Variants in HSP90AA1 observed in about 807,000 individuals in gnomAD.
The protein encoded by HSP90AA1 is heat shock protein HSP 90-alpha.
HSP90AA1 carries 18 observed loss-of-function variants against 73.3 expected under a neutral mutation model. That is an observed-to-expected ratio of 0.25 (90% CI 0.17 to 0.36). The LOEUF (loss-of-function observed/expected upper bound fraction) is 0.36, where lower values mean the gene tolerates loss of function less well. Ranked by LOEUF, HSP90AA1 falls within the 10% of genes least tolerant of loss-of-function variation. HSP90AA1 has a pLI of 1.00. For missense variants in HSP90AA1, 704 were observed against 874.2 expected, an observed-to-expected ratio of 0.81 and a Z score of 2.45; for synonymous variants, 477 against 296.9, an observed-to-expected ratio of 1.61 and a Z score of -6.24.
intron 2 of HSP90AA1, among the ~76,000 whole-genome samples, chr14:102,094,447 T>C (rs776493181): frequency 1.2e-4 from 18 of 152,298 alleles, no homozygotes; most frequent in Middle Eastern, 3.4e-3. Flanking sequence ...ATATGTGGAC[T>C]TAGAAACTCT....
intron 3 of HSP90AA1, 132 bp from the exon 4 acceptor site, chr14:102,085,563 C>A (rs1430403304): frequency 1.7e-6 from 2 of 1,190,680 alleles, no homozygotes; most frequent in East Asian, 4.9e-5. Context: ...CACAGCAGAA[C>A]CTTTTGGGCA....
chr14:102,134,543 G>A (rs1011598516), intron 1 of HSP90AA1, among the ~76,000 whole-genome samples: 36 of 152,054 alleles, frequency 2.4e-4, no homozygotes, highest in African/African-American at 5.6e-4. Context: ...TCTGATGTTC[G>A]GTTGTGTTCA....
Position 102,083,027 on chromosome 14 carries a change from C to T in HSP90AA1, c.1755+7G>A, listed in dbSNP as rs2049135701. 1 of 1,613,122 alleles carries T rather than the reference C, an allele frequency of 6.2e-7. No individual in the cohort carries two copies. The highest frequency in any genetic ancestry group is 1.7e-5 in the Admixed American group (1 of 59,996). ...ATCAATGATCAGGAAATGCTGTATT[C>T]ACATACCTTTTCAACTTTTTTCTCC... On this transcript the variant is annotated splice_region_variant and intron_variant, in intron 9 of 10. Transcript: ENST00000216281.
Position 102,081,432 on chromosome 14 carries a change from C to CCA in HSP90AA1, c.*278_*279dup, listed in dbSNP as rs3831488. The CCA allele has an allele frequency of 0.78, 397,418 of 512,642 alleles. 159,978 individuals carry two copies. The highest frequency in any genetic ancestry group is 0.84 in the South Asian group (38,450 of 45,638). 31.8% of individuals were successfully genotyped at this position (512,642 alleles called of 1,614,324 possible). A position where few individuals can be genotyped will look rare whatever the true frequency, so the allele number is the denominator to read the frequency against. On this transcript the variant is annotated 3_prime_UTR_variant, in exon 11 of 11. Coordinates refer to ENST00000216281, the MANE Select transcript of HSP90AA1 (RefSeq NM_005348.4). ...CGGCTTGACAGCTAAACACTTTAGACCACAAAGTTAACATCATGTTACATA... is the reference window on the plus strand; with the variant it reads ...CGGCTTGACAGCTAAACACTTTAGACCACACAAAGTTAACATCATGTTACATA...
At chr14:102,099,760 T>A (rs1317133215) in intron 2 of HSP90AA1, among the ~76,000 whole-genome samples, 1 of 152,196 alleles carries the variant, frequency 6.6e-6, no homozygotes, top group Non-Finnish European at 1.5e-5. Context: ...TGCTTCTGTT[T>A]CCCAAGTGTC....
At chr14:102,082,643 T>TA (rs1376718742) in intron 9 of HSP90AA1, 199 bp from the exon 10 acceptor site, 38 of 596,140 alleles carry the variant, frequency 6.4e-5, no homozygotes, top group South Asian at 2.1e-4. Context: ...TTTTTTGAGA[T>TA]AGAGTCTCGC....
At position 102,104,980 on chromosome 14, in the gene HSP90AA1, C is replaced by T. The variant is rs140399379; in HGVS notation, c.156-2895G>A. Among the ~76,000 whole-genome samples, 266 of 147,352 alleles carry T rather than the reference C, an allele frequency of 1.8e-3. 1 individual carries two copies. The highest frequency in any genetic ancestry group is 3.5e-3 in the Middle Eastern group (1 of 282). ...TTGGGAGGCCAAGGTGGGCAGATCA[C>T]GAGGTCAGGAAATCGAGACCATACT... On this transcript the variant is annotated intron_variant, in intron 1 of 11. Transcript: ENST00000334701.
chr14:102,083,973 T>C lies in HSP90AA1; in HGVS notation c.1158A>G (p.Arg386=), dbSNP rs997342824. 3.1e-6 allele frequency: 5 copies of C among 1,613,422 alleles called. No individual in the cohort carries two copies. The African/African-American group carries it at 5.3e-5, about 17-fold the overall frequency. ...ELIPEYLNFI[R]GVVDSEDLPL... The stretch of plus-strand genomic sequence containing the variant: ...GGAGATCCTCCGAGTCTACCACCCC[T>C]CTAATGAAGTCTGAAAAAAATATAA... The change falls in exon 7 of 11, where the codon AGA becomes AGG. Residue 386 remains arginine, a synonymous_variant. Coordinates refer to ENST00000216281, the MANE Select transcript of HSP90AA1 (RefSeq NM_005348.4).
intron 4 of HSP90AA1, 111 bp from the exon 5 acceptor site, chr14:102,085,109 G>A (rs2049194203): frequency 1.3e-6 from 2 of 1,565,576 alleles, no homozygotes; most frequent in East Asian, 2.2e-5. Flanking sequence ...AACTTGAGAA[G>A]CACCCAGCTT....
At chr14:102,116,722 C>T (rs1198538913) in intron 1 of HSP90AA1, among the ~76,000 whole-genome samples, 1 of 152,198 alleles carries the variant, frequency 6.6e-6, no homozygotes, top group Admixed American at 6.5e-5. Flanking sequence ...ACAAGCTGGA[C>T]CCTCCCCAAC....
chr14:102,087,951 CTTTTT>C (rs71116878), upstream of HSP90AA1, among the ~76,000 whole-genome samples: 2 of 93,002 alleles, frequency 2.2e-5, no homozygotes, highest in Non-Finnish European at 3.8e-5. Flanking sequence ...TTTTTTTTTT[CTTTTT>C]TTTTTTTTTG....
intron 4 of HSP90AA1, 79 bp downstream of exon 4, chr14:102,085,219 T>C: frequency 1.3e-6 from 2 of 1,496,470 alleles, no homozygotes; most frequent in Non-Finnish European, 9.3e-7. Context: ...GTTGAACAGA[T>C]CTAGGGACTA....
upstream of HSP90AA1, chr14:102,087,067 C>T (rs1044466826): frequency 3.0e-6 from 3 of 985,156 alleles, no homozygotes; most frequent in Non-Finnish European, 3.6e-6. Context: ...CCGCGCCTGC[C>T]TTATATAGCG....
intron 1 of HSP90AA1, among the ~76,000 whole-genome samples, chr14:102,129,847 G>A (rs2049886389): frequency 6.6e-6 from 1 of 151,984 alleles, no homozygotes; most frequent in Non-Finnish European, 1.5e-5. Context: ...CCATTGTATG[G>A]ATATACCACA....
At chr14:102,088,206 T>C (rs577305654), upstream of HSP90AA1, among the ~76,000 whole-genome samples, 2 of 152,246 alleles carry the variant, frequency 1.3e-5, no homozygotes, top group South Asian at 4.1e-4. Flanking sequence ...CATGGGAATT[T>C]TCGGATATTT....
upstream of HSP90AA1, chr14:102,087,259 T>A: frequency 3.2e-6 from 2 of 623,058 alleles, no homozygotes; most frequent in Non-Finnish European, 2.0e-6. Flanking sequence ...CAACCTTCCC[T>A]CAATCGCCGC....
At chr14:102,111,820 G>C (rs970675116) in intron 1 of HSP90AA1, among the ~76,000 whole-genome samples, 1 of 152,150 alleles carries the variant, frequency 6.6e-6, no homozygotes, top group African/African-American at 2.4e-5. Flanking sequence ...AACAACAGAG[G>C]CAAAGATACA....
Position 102,121,119 on chromosome 14 carries a change from AC to A in HSP90AA1, c.155+18130del, listed in dbSNP as rs140691974. On this transcript the variant is annotated intron_variant, in intron 1 of 11. Transcript: ENST00000334701. ...GTGATCATGACTCACTGCAGCTTCA[AC>A]CCCCTGGGCTTAAATGATTGATGCT... 3.9e-3 allele frequency among the ~76,000 whole-genome samples: 588 copies of A among 151,590 alleles called. 9 individuals carry two copies. The East Asian group carries it at 0.049, about 13-fold the overall frequency.
chr14:102,129,498 A>C, intron 1 of HSP90AA1, among the ~76,000 whole-genome samples: 2 of 126,386 alleles, frequency 1.6e-5, no homozygotes. Context: ...TCTCTATACT[A>C]CATTCCTTTT....
Sources: allele counts gnomAD v4.1 joint callset (sites outside exome capture counted in the v4.1 genomes callset), GRCh38; gene constraint gnomAD v4.1.1; transcripts MANE v1.5; gene names NCBI Gene and HGNC (gene_info 2026-07-23, HGNC 2026-07-21).